Variants in POLK observed in about 807,000 individuals in gnomAD.
POLK encodes DNA polymerase kappa, also known as polymerase (DNA directed) kappa.
In POLK, 76 loss-of-function variants were observed where a neutral mutation model predicts 94.0. The ratio of observed to expected loss-of-function variants is 0.81; its 90% CI spans 0.67 to 0.98. The LOEUF (loss-of-function observed/expected upper bound fraction) is 0.98, where lower values mean the gene tolerates loss of function less well. Ranked by LOEUF, POLK falls within the 50% of genes least tolerant of loss-of-function variation. POLK has a pLI of 0.00. For missense variants in POLK, 954 were observed against 1,010.1 expected, an observed-to-expected ratio of 0.94 and a Z score of 0.75; for synonymous variants, 349 against 325.4, an observed-to-expected ratio of 1.07 and a Z score of -0.78.
At chr5:75,568,607 G>T in intron 3 of POLK, 2 of 360,274 alleles carry the variant, frequency 5.6e-6, no homozygotes, top group Non-Finnish European at 5.4e-6. Flanking sequence ...CTTCACTATT[G>T]TATTTGACAT....
chr5:75,548,475 ATATG>A (rs1770164910), intron 2 of POLK, among the ~76,000 whole-genome samples: 1 of 149,782 alleles, frequency 6.7e-6, no homozygotes, highest in Non-Finnish European at 1.5e-5. Flanking sequence ...TATAGAATAT[ATATG>A]TATTAATGTG....
intron 3 of POLK, among the ~76,000 whole-genome samples, chr5:75,566,316 A>G (rs1581035950): frequency 6.6e-6 from 1 of 152,152 alleles, no homozygotes; most frequent in Admixed American, 6.5e-5. Flanking sequence ...TGGGCGTGGG[A>G]TCCGCTGAGC....
chr5:75,547,684 A>G (rs1770112385), intron 2 of POLK, among the ~76,000 whole-genome samples: 1 of 152,246 alleles, frequency 6.6e-6, no homozygotes, highest in South Asian at 2.1e-4. Flanking sequence ...GATTCCTACA[A>G]TGGAATTGTT....
At chr5:75,536,430 G>A (rs914971667) in intron 1 of POLK, among the ~76,000 whole-genome samples, 1 of 152,172 alleles carries the variant, frequency 6.6e-6, no homozygotes, top group African/African-American at 2.4e-5. Flanking sequence ...GGAAGTTCTC[G>A]TAGATGTGGC....
chr5:75,596,978 A>T, exon 13 of POLK: 1 of 1,613,850 alleles, frequency 6.2e-7, no homozygotes, highest in Non-Finnish European at 8.5e-7. Flanking sequence ...TTTAGACAAG[A>T]ATACCGCCAG....
intron 4 of POLK, among the ~76,000 whole-genome samples, chr5:75,570,444 A>G (rs1452184878): frequency 2.0e-5 from 3 of 152,226 alleles, no homozygotes; most frequent in African/African-American, 7.2e-5. Flanking sequence ...TTGTTGCACT[A>G]AAAGAGCAGA....
At chr5:75,584,414 T>C (rs1429884770) in intron 8 of POLK, among the ~76,000 whole-genome samples, 1 of 152,120 alleles carries the variant, frequency 6.6e-6, no homozygotes, top group African/African-American at 2.4e-5. Flanking sequence ...ATAAAAGATA[T>C]AATGAGCACT....
At chr5:75,524,289 A>T (rs1240885915) in intron 1 of POLK, among the ~76,000 whole-genome samples, 1 of 152,210 alleles carries the variant, frequency 6.6e-6, no homozygotes, top group Non-Finnish European at 1.5e-5. Context: ...TAAATCTAGG[A>T]ACTGAGTCAG....
At chr5:75,597,876 T>G in intron 14 of POLK, 58 bp from the exon 15 acceptor site, 1 of 1,163,580 alleles carries the variant, frequency 8.6e-7, no homozygotes, top group Non-Finnish European at 1.2e-6. Context: ...ATATTAAAAA[T>G]GAATTATTTT....
chr5:75,526,383 A>G (rs1375412385), intron 1 of POLK, among the ~76,000 whole-genome samples: 1 of 152,050 alleles, frequency 6.6e-6, no homozygotes, highest in African/African-American at 2.4e-5. Context: ...CTTAGAAAAT[A>G]AAAAACCTCA....
intron 1 of POLK, among the ~76,000 whole-genome samples, chr5:75,522,598 A>G (rs1768640788): frequency 6.6e-6 from 1 of 152,208 alleles, no homozygotes; most frequent in Admixed American, 6.5e-5. Flanking sequence ...TGAAAGCTGA[A>G]GTATGATATA....
At chr5:75,518,548 A>G (rs1444722272) in intron 1 of POLK, among the ~76,000 whole-genome samples, 3 of 151,670 alleles carry the variant, frequency 2.0e-5, no homozygotes, top group African/African-American at 4.8e-5. Flanking sequence ...AGTTTTGTCA[A>G]TTTCATCTAT....
exon 15 of POLK, chr5:75,598,119 G>A (rs5744717): frequency 7.7e-6 from 4 of 516,808 alleles, no homozygotes; most frequent in African/African-American, 2.0e-5. Context: ...ATTTAGTGAA[G>A]GCAAGTGCAA....
intron 1 of POLK, among the ~76,000 whole-genome samples, chr5:75,527,981 T>C (rs927484013): frequency 2.0e-5 from 3 of 152,152 alleles, no homozygotes; most frequent in African/African-American, 7.2e-5. Context: ...AAAATGATAT[T>C]AGAATATTGG....
At chr5:75,544,824 T>C (rs1007361772) in intron 1 of POLK, among the ~76,000 whole-genome samples, 1 of 152,182 alleles carries the variant, frequency 6.6e-6, no homozygotes, top group African/African-American at 2.4e-5. Context: ...TGACAGGTAA[T>C]TGGATTAATG....
At chr5:75,580,192 C>T (rs1031340071) in intron 6 of POLK, among the ~76,000 whole-genome samples, 4 of 151,758 alleles carry the variant, frequency 2.6e-5, no homozygotes, top group East Asian at 1.9e-4. Flanking sequence ...AATATACATT[C>T]GTATGCATCT....
chr5:75,591,019 T>G (rs1346976336), intron 11 of POLK, among the ~76,000 whole-genome samples: 1 of 152,152 alleles, frequency 6.6e-6, no homozygotes, highest in African/African-American at 2.4e-5. Context: ...CAAAGCGTAA[T>G]AAAAAGGTAT....
chr5:75,553,832 A>T (rs1770453883), intron 3 of POLK, among the ~76,000 whole-genome samples: 1 of 152,220 alleles, frequency 6.6e-6, no homozygotes, highest in East Asian at 1.9e-4. Flanking sequence ...CTAAGTTGCT[A>T]GCACAAGAGA....
At chr5:75,511,864 C>G in exon 1 of POLK, 3 of 1,526,482 alleles carry the variant, frequency 2.0e-6, no homozygotes, top group Non-Finnish European at 2.7e-6. Flanking sequence ...GGCGTTGGTC[C>G]GTCGCTCGCG....
Sources: gnomAD v4.1 joint callset for allele counts (sites outside exome capture counted in the v4.1 genomes callset) on GRCh38, gnomAD v4.1.1 for gene constraint, MANE v1.5 for transcripts, NCBI Gene and HGNC (gene_info 2026-07-23, HGNC 2026-07-21) for gene names.